Variants in RCC1L observed in about 807,000 individuals in gnomAD.
The protein encoded by RCC1L is RCC1-like G exchanging factor-like protein.
Under a neutral mutation model 58.6 loss-of-function variants are expected in RCC1L, and 46 were observed. The observed-to-expected ratio is 0.79, with a 90% CI of 0.62 to 1.00. The LOEUF (loss-of-function observed/expected upper bound fraction) is 1.00, where lower values mean the gene tolerates loss of function less well. Ranked by LOEUF, RCC1L falls within the 50% of genes least tolerant of loss-of-function variation. RCC1L has a pLI of 0.00. For missense variants in RCC1L, 636 were observed against 623.6 expected (o/e 1.02, Z -0.21); for synonymous variants, 281 against 262.9 (o/e 1.07, Z -0.67).
At chr7:75,047,308 C>T (rs890696920) in intron 10 of RCC1L, among the ~76,000 whole-genome samples, 5,144 of 152,150 alleles carry the variant, frequency 0.034, 250 homozygotes, top group African/African-American at 0.1. Context: ...TTCTGTTGCC[C>T]CCGGCTGGAG....
chr7:75,057,061 C>T (rs1300072454), intron 8 of RCC1L, among the ~76,000 whole-genome samples: 1 of 152,154 alleles, frequency 6.6e-6, no homozygotes, highest in African/African-American at 2.4e-5. Context: ...ACAACCTCTG[C>T]CTCCTGGGTC....
intron 1 of RCC1L, 83 bp from the exon 2 acceptor site, chr7:75,070,852 C>T: frequency 6.4e-7 from 1 of 1,559,432 alleles, no homozygotes; most frequent in Non-Finnish European, 8.7e-7. Context: ...TTTATCAAAT[C>T]CAAGAACACA....
downstream of RCC1L, among the ~76,000 whole-genome samples, chr7:75,038,997 C>G (rs1209311523): frequency 1.3e-5 from 2 of 152,328 alleles, no homozygotes; most frequent in East Asian, 3.9e-4. Flanking sequence ...CGCGTCACCA[C>G]GTCCGGCTAA....
intron 10 of RCC1L, among the ~76,000 whole-genome samples, chr7:75,035,164 A>G (rs972734140): frequency 5.3e-5 from 8 of 152,130 alleles, no homozygotes; most frequent in African/African-American, 1.7e-4. Flanking sequence ...CCCAGTAGCT[A>G]GGACTATAGG....
intron 1 of RCC1L, 72 bp downstream of exon 1, chr7:75,073,342 G>A (rs918278760): frequency 1.3e-5 from 9 of 688,214 alleles, no homozygotes; most frequent in Non-Finnish European, 1.9e-5. Context: ...CTTGAAGAGA[G>A]CCGAACAGGT....
intron 10 of RCC1L, chr7:75,028,207 A>G (rs1268972423): frequency 7.0e-6 from 6 of 859,406 alleles, no homozygotes; most frequent in Non-Finnish European, 1.0e-5. Flanking sequence ...AGCAACCTCC[A>G]CTTCCTGGGT....
intron 8 of RCC1L, 93 bp from the exon 9 acceptor site, chr7:75,056,167 T>A (rs1806073018): frequency 7.1e-7 from 1 of 1,412,958 alleles, no homozygotes; most frequent in Non-Finnish European, 9.9e-7. Flanking sequence ...GTTTATGACA[T>A]CCACACGGTT....
At chr7:75,061,083 G>A in intron 6 of RCC1L, 124 bp downstream of exon 6, 1 of 837,526 alleles carries the variant, frequency 1.2e-6, no homozygotes, top group Non-Finnish European at 2.1e-6. Context: ...TCCTCAGAAA[G>A]TGATAAGAGG....
At chr7:75,029,463 C>T (rs1027971064) in intron 10 of RCC1L, among the ~76,000 whole-genome samples, 12 of 151,736 alleles carry the variant, frequency 7.9e-5, no homozygotes, top group Non-Finnish European at 1.6e-4. Context: ...CCTGCCTCAG[C>T]CTCCCAAGTA....
At chr7:75,070,574 A>G in intron 2 of RCC1L, 66 bp downstream of exon 2, 1 of 1,585,876 alleles carries the variant, frequency 6.3e-7, no homozygotes, top group East Asian at 2.3e-5. Context: ...TGTCTCAAAA[A>G]AAATACAAAA....
At chr7:75,043,908 C>A (rs1289345137) in intron 10 of RCC1L, among the ~76,000 whole-genome samples, 3 of 152,228 alleles carry the variant, frequency 2.0e-5, no homozygotes, top group Non-Finnish European at 2.9e-5. Context: ...TCTTACCCGT[C>A]ACCCCCAGCT....
At chr7:75,041,160 G>A (rs1476680476), downstream of RCC1L, among the ~76,000 whole-genome samples, 3 of 152,082 alleles carry the variant, frequency 2.0e-5, no homozygotes, top group Non-Finnish European at 4.4e-5. Flanking sequence ...GTTGCAGTGA[G>A]CCGAGATCGC....
chr7:75,059,187 CAAA>C (rs71278503), intron 6 of RCC1L, among the ~76,000 whole-genome samples: 1 of 77,978 alleles, frequency 1.3e-5, no homozygotes, highest in Non-Finnish European at 2.6e-5. Context: ...ATGAGACTCT[CAAA>C]AAAAAAAAAA....
intron 10 of RCC1L, among the ~76,000 whole-genome samples, chr7:75,030,226 T>A (rs1805263553): frequency 1.3e-5 from 2 of 152,356 alleles, no homozygotes; most frequent in South Asian, 4.1e-4. Flanking sequence ...TTTGTGCATG[T>A]ACCTGTGAGC....
At chr7:75,035,454 T>C (rs994227405) in intron 10 of RCC1L, among the ~76,000 whole-genome samples, 1 of 152,010 alleles carries the variant, frequency 6.6e-6, no homozygotes, top group African/African-American at 2.4e-5. Flanking sequence ...ATTTACAGAG[T>C]GTGTTGTAGA....
At chr7:75,041,555 T>C (rs1389252594), downstream of RCC1L, among the ~76,000 whole-genome samples, 1 of 151,928 alleles carries the variant, frequency 6.6e-6, no homozygotes, top group Non-Finnish European at 1.5e-5. Flanking sequence ...TAGAATCTGT[T>C]CAGAAAATAT....
intron 2 of RCC1L, among the ~76,000 whole-genome samples, chr7:75,069,933 A>G (rs1157978588): frequency 1.3e-5 from 2 of 152,202 alleles, no homozygotes; most frequent in Admixed American, 6.6e-5. Flanking sequence ...AAATGCCATT[A>G]TAAGTTATTT....
In RCC1L at chr7:75,051,791, A is replaced by C. The variant is rs1044252395; in HGVS notation, c.1317+920T>G. On this transcript the variant is annotated intron_variant, in intron 10 of 10. Coordinates refer to ENST00000610322, the MANE Select transcript of RCC1L (RefSeq NM_030798.5). ...TCTGATAAAATACACCCATATGCAC[A>C]CTGCACACACATGTATGTACTCACA... is the stretch of plus-strand genomic sequence containing the variant. Among the ~76,000 whole-genome samples, 21 of 152,208 alleles carry C rather than the reference A, an allele frequency of 1.4e-4. No individual in the cohort carries two copies. In the East Asian group the frequency reaches 3.7e-3, roughly 27 times the overall value.
chr7:75,042,907 C>T lies in RCC1L; in HGVS notation c.*125G>A. The T allele has an allele frequency of 6.5e-7, 1 of 1,543,992 alleles. No individual in the cohort carries two copies. The highest frequency in any genetic ancestry group is 8.8e-7 in the Non-Finnish European group (1 of 1,142,552). On this transcript the variant is annotated 3_prime_UTR_variant, in exon 11 of 11. Transcript: ENST00000610322. ...CGCTAAGGGATTCAGGACAGAGCGT[C>T]ACACTGCACGCAGGGTCCTCCGCCA...
Sources: allele counts gnomAD v4.1 joint callset (sites outside exome capture counted in the v4.1 genomes callset), GRCh38; gene constraint gnomAD v4.1.1; transcripts MANE v1.5; gene names NCBI Gene and HGNC (gene_info 2026-07-23, HGNC 2026-07-21).